PLA2G2D: variants seen among roughly 807,000 people sequenced by gnomAD.
PLA2G2D encodes the protein phospholipase A2 group IID.
In PLA2G2D, 17 loss-of-function variants were observed where a neutral mutation model predicts 13.9. The ratio of observed to expected loss-of-function variants is 1.23; its 90% CI spans 0.84 to 1.84. The LOEUF is 1.84. PLA2G2D is among the 40% of genes most tolerant of loss of function. The probability of loss-of-function intolerance (pLI) is 0.00; values close to 1 mark genes in which losing one functional copy is unlikely to be tolerated. For missense variants in PLA2G2D, 194 were observed against 178.7 expected (o/e 1.09, Z -0.49); for synonymous variants, 83 against 69.3 (o/e 1.20, Z -0.98).
chr1:20,114,376 C>G, intron 3 of PLA2G2D, 117 bp from the exon 4 acceptor site: 1 of 1,034,272 alleles, frequency 9.7e-7, no homozygotes, highest in Non-Finnish European at 1.4e-6. Flanking sequence ...GTACCGGTCC[C>G]AGCAACCTCG....
In PLA2G2D at chr1:20,115,538, T is replaced by C. The variant is rs1280508971; in HGVS notation, c.261A>G (p.Arg87=). The C allele has an allele frequency of 1.3e-5, 21 of 1,610,458 alleles. No homozygotes were observed. In the East Asian group the frequency reaches 4.5e-4, roughly 34 times the overall value. ...GGATGTTCCCCTGGGAAAAGTTGTA[T>C]CTGTAATAGTCCTTGTAGATGCTGC... ...QGCSIYKDYY[R]YNFSQGNIHC... The change falls in exon 3 of 4, where the codon AGA becomes AGG. Residue 87 remains arginine (R), a synonymous_variant. Transcript: ENST00000375105.
At position 20,114,128 on chromosome 1, in the gene PLA2G2D, T is replaced by TC. The variant is rs755262572; in HGVS notation, c.423dup (p.Thr142AspfsTer28). ...GGTGTGGGCTTCTAGCACCCAGGGG[T>TC]CTGCCCCCGGCAGTGGGGCCGCCAG... On this transcript the variant is annotated frameshift_variant, in exon 4 of 4. Transcript: ENST00000375105. LOFTEE classifies it high-confidence loss of function. 5.0e-6 allele frequency: 8 copies of TC among 1,612,942 alleles called. No homozygotes were observed. Among genetic ancestry groups the TC allele is most frequent in the Middle Eastern group, 1.8e-4 (1 of 5,450 alleles).
Position 20,114,252 on chromosome 1 carries a change from C to G in PLA2G2D, c.300G>C (p.Lys100Asn). Residue 100 changes from lysine to asparagine, a missense_variant, in exon 4 of 4, where the codon AAG becomes AAC. By Grantham distance (94) the Lys-to-Asn change is moderately conservative (BLOSUM62 0). Coordinates refer to ENST00000375105, the MANE Select transcript of PLA2G2D (RefSeq NM_012400.4). ...ACAGCTGCTGCTCACACCAGCTTCC[C>G]TTGTCAGCTGTGGACGGAGAAGGGG... ...FSQGNIHCSD[K>N]GSWCEQQLCA... 2 of 1,613,410 alleles carry G rather than the reference C, an allele frequency of 1.2e-6. No homozygotes were observed. The highest frequency in any genetic ancestry group is 2.2e-5 in the South Asian group (2 of 91,004).
intron 1 of PLA2G2D, among the ~76,000 whole-genome samples, chr1:20,117,348 TC>T (rs1456574268): frequency 6.6e-6 from 1 of 152,068 alleles, no homozygotes; most frequent in Non-Finnish European, 1.5e-5. Flanking sequence ...GATTTCCCAC[TC>T]CATAATAGGA....
chr1:20,114,005 G>A lies in PLA2G2D; in HGVS notation c.*109C>T, dbSNP rs1044321219. On this transcript the variant is annotated 3_prime_UTR_variant, in exon 4 of 4. Transcript: ENST00000375105. The stretch of plus-strand genomic sequence containing the variant: ...TTGGTAGAGGGTTCCGGGGGAGGCT[G>A]GGACTACCTCCCCCCGGAGTGTTTG... The A allele has an allele frequency of 6.1e-6, 6 of 983,542 alleles. No individual in the cohort carries two copies. Among genetic ancestry groups the A allele is most frequent in the African/African-American group, 1.6e-5 (1 of 61,444 alleles). 60.9% of individuals were successfully genotyped at this position (983,542 alleles called of 1,614,324 possible). A position where few individuals can be genotyped will look rare whatever the true frequency, so the allele number is the denominator to read the frequency against.
At chr1:20,119,014 T>A (rs1425743738) in intron 1 of PLA2G2D, among the ~76,000 whole-genome samples, 1 of 152,172 alleles carries the variant, frequency 6.6e-6, no homozygotes, top group African/African-American at 2.4e-5. Context: ...AAATGGAAAT[T>A]GCCCCCTCTT....
intron 1 of PLA2G2D, 39 bp downstream of exon 1, chr1:20,119,420 C>G: frequency 6.3e-7 from 1 of 1,581,030 alleles, no homozygotes; most frequent in South Asian, 1.1e-5. Context: ...ACTGGCCTCC[C>G]TCCTTCCCTT....
intron 1 of PLA2G2D, among the ~76,000 whole-genome samples, chr1:20,119,052 C>A (rs1410608415): frequency 6.6e-6 from 1 of 152,132 alleles, no homozygotes; most frequent in Non-Finnish European, 1.5e-5. Context: ...ACCCTCTTCC[C>A]AGGTTCAAGG....
chr1:20,118,201 G>A (rs192165418), intron 1 of PLA2G2D, among the ~76,000 whole-genome samples: 6 of 152,218 alleles, frequency 3.9e-5, no homozygotes, highest in African/African-American at 7.2e-5. Flanking sequence ...AGGGTACCCC[G>A]GTCCTCTTTT....
At chr1:20,118,681 G>A (rs191210553) in intron 1 of PLA2G2D, among the ~76,000 whole-genome samples, 85 of 152,318 alleles carry the variant, frequency 5.6e-4, no homozygotes, top group Admixed American at 5.5e-3. Context: ...ATATTGAAAG[G>A]TTTGGTGATT....
At chr1:20,114,333 T>G in intron 3 of PLA2G2D, 74 bp from the exon 4 acceptor site, 1 of 1,474,060 alleles carries the variant, frequency 6.8e-7, no homozygotes, top group Non-Finnish European at 9.3e-7. Context: ...TAGCAGCCTC[T>G]GAAGTCAGTG....
intron 1 of PLA2G2D, among the ~76,000 whole-genome samples, chr1:20,118,449 G>T (rs1031119941): frequency 6.6e-6 from 1 of 152,158 alleles, no homozygotes; most frequent in Non-Finnish European, 1.5e-5. Flanking sequence ...AGCCGTTCTT[G>T]CCTGGGTAAC....
rs186957360 is a variant in PLA2G2D at position 20,116,646 on chromosome 1, G to A, written c.41-169C>T. On this transcript the variant is annotated intron_variant, in intron 1 of 3. Coordinates refer to ENST00000375105, the MANE Select transcript of PLA2G2D (RefSeq NM_012400.4). ...TATTAAAAATATAGCGACAGGCCAG[G>A]CACAGTGGCTCACGTCTGTAATCCC... is the stretch of plus-strand genomic sequence containing the variant. 2.6e-5 allele frequency among the ~76,000 whole-genome samples: 4 copies of A among 152,186 alleles called. No homozygotes were observed. The East Asian group carries it at 5.9e-4, about 22-fold the overall frequency.
chr1:20,115,745 G>A (rs1299256536), intron 2 of PLA2G2D, 132 bp from the exon 3 acceptor site: 1 of 667,966 alleles, frequency 1.5e-6, no homozygotes, highest in Admixed American at 2.4e-5. Context: ...GTCTTCCTCA[G>A]GATCATGATG....
intron 2 of PLA2G2D, 30 bp from the exon 3 acceptor site, chr1:20,115,643 G>A (rs775792209): frequency 1.4e-6 from 2 of 1,393,642 alleles, no homozygotes; most frequent in East Asian, 4.6e-5. Flanking sequence ...CAGCTGCATG[G>A]GTCCCCAGCC....
chr1:20,115,890 G>A (rs577301117), intron 2 of PLA2G2D, among the ~76,000 whole-genome samples: 1 of 152,284 alleles, frequency 6.6e-6, no homozygotes, highest in South Asian at 2.1e-4. Context: ...CTGAGACTCG[G>A]GGAGGTCAAG....
intron 2 of PLA2G2D, among the ~76,000 whole-genome samples, chr1:20,115,974 G>C (rs575155460): frequency 6.6e-6 from 1 of 152,090 alleles, no homozygotes; most frequent in Admixed American, 6.5e-5. Context: ...GGCTCTCACC[G>C]CTCCTCTAGC....
At chr1:20,115,758 T>G (rs2016974004) in intron 2 of PLA2G2D, 145 bp from the exon 3 acceptor site, 1 of 648,236 alleles carries the variant, frequency 1.5e-6, no homozygotes, top group Non-Finnish European at 2.8e-6. Flanking sequence ...TCATGATGAC[T>G]AACATTTTTT....
At chr1:20,118,670 G>A (rs1356845167) in intron 1 of PLA2G2D, among the ~76,000 whole-genome samples, 1 of 152,330 alleles carries the variant, frequency 6.6e-6, no homozygotes, top group East Asian at 1.9e-4. Flanking sequence ...TACAGATGAG[G>A]ATATTGAAAG....
Sources: gnomAD v4.1 joint callset for allele counts (sites outside exome capture counted in the v4.1 genomes callset) on GRCh38, gnomAD v4.1.1 for gene constraint, MANE v1.5 for transcripts, NCBI Gene and HGNC (gene_info 2026-07-23, HGNC 2026-07-21) for gene names.